TMEM266: variants seen among roughly 807,000 people sequenced by gnomAD.
The protein encoded by TMEM266 is transmembrane protein 266.
TMEM266 carries 33 observed loss-of-function variants against 50.5 expected under a neutral mutation model. The observed-to-expected ratio is 0.65, with a 90% CI of 0.50 to 0.87. The LOEUF (loss-of-function observed/expected upper bound fraction) is 0.87, where lower values mean the gene tolerates loss of function less well. TMEM266 is among the 40% of genes least tolerant of loss of function. The pLI, the probability that TMEM266 is intolerant of heterozygous loss-of-function variation, is 0.00. For missense variants in TMEM266, 655 were observed against 695.1 expected (o/e 0.94, Z 0.65); for synonymous variants, 310 against 292.3 (o/e 1.06, Z -0.62).
At chr15:76,067,211 A>C (rs1413641922) in intron 1 of TMEM266, among the ~76,000 whole-genome samples, 1 of 152,208 alleles carries the variant, frequency 6.6e-6, no homozygotes, top group Admixed American at 6.5e-5. Flanking sequence ...TACACAGACA[A>C]GGAAAATTTA....
At chr15:76,116,647 C>T (rs185285486) in intron 1 of TMEM266, among the ~76,000 whole-genome samples, 1 of 152,154 alleles carries the variant, frequency 6.6e-6, no homozygotes, top group Non-Finnish European at 1.5e-5. Context: ...TGAGCTCTTA[C>T]CACCTTTGTC....
intron 3 of TMEM266, among the ~76,000 whole-genome samples, chr15:76,141,358 C>T (rs2037674535): frequency 6.6e-6 from 1 of 151,832 alleles, no homozygotes. Context: ...ACTTCAGCCT[C>T]CCAAGTAACT....
At position 76,160,255 on chromosome 15, in the gene TMEM266, T is replaced by C; in HGVS notation, c.456+87T>C. 7.6e-7 allele frequency: 1 copy of C among 1,309,814 alleles called. No individual in the cohort carries two copies. The highest frequency in any genetic ancestry group is 1.1e-6 in the Non-Finnish European group (1 of 908,898). The allele number at this position is 1,309,814 out of a possible 1,614,324, so 81.1% of individuals were successfully genotyped here. A position where few individuals can be genotyped will look rare whatever the true frequency, so the allele number is the denominator to read the frequency against. ...AAGGTCTACTTCTCGAAATGGTTTC[T>C]AGCATCAGGTCCCCTGCTAGCCCTT... On this transcript the variant is annotated intron_variant, in intron 5 of 10. Coordinates refer to ENST00000388942, the MANE Select transcript of TMEM266 (RefSeq NM_152335.3). This position sits in a 1 kb window ranked among gnomAD's most constrained non-coding sequence, Gnocchi z 5.7.
At chr15:76,166,127 T>C (rs1256971202) in intron 5 of TMEM266, among the ~76,000 whole-genome samples, 1 of 151,714 alleles carries the variant, frequency 6.6e-6, no homozygotes, top group Admixed American at 6.6e-5. Flanking sequence ...TTTTCGGAGG[T>C]GTTAAGACTA....
chr15:76,077,223 C>T, intron 1 of TMEM266, among the ~76,000 whole-genome samples: 1 of 152,018 alleles, frequency 6.6e-6, no homozygotes, highest in East Asian at 1.9e-4. Flanking sequence ...ACCTTGGCCT[C>T]CCAAAGTTCG....
At position 76,111,512 on chromosome 15, in the gene TMEM266, C is replaced by T. The variant is rs141238324; in HGVS notation, c.-96-22656C>T. Among the ~76,000 whole-genome samples, 188 of 152,090 alleles carry T rather than the reference C, an allele frequency of 1.2e-3. 1 individual carries two copies. The highest frequency in any genetic ancestry group is 4.3e-3 in the African/African-American group (177 of 41,494). On this transcript the variant is annotated intron_variant, in intron 1 of 10. Coordinates refer to ENST00000388942, the MANE Select transcript of TMEM266 (RefSeq NM_152335.3). ...GTTCTTGCACAATAAAGCGATTCTC[C>T]TGCCTCAGCCTCAGCCTCCCAAGTA...
intron 1 of TMEM266, among the ~76,000 whole-genome samples, chr15:76,131,851 G>A (rs1386685323): frequency 6.6e-6 from 1 of 152,144 alleles, no homozygotes; most frequent in East Asian, 1.9e-4. Context: ...CTGCCCTTCT[G>A]CTTTTAGAGA....
chr15:76,115,416 A>C (rs2037231967), intron 1 of TMEM266, among the ~76,000 whole-genome samples: 1 of 152,102 alleles, frequency 6.6e-6, no homozygotes, highest in African/African-American at 2.4e-5. Flanking sequence ...CTAAATCAAA[A>C]CCTTGGTCTC....
chr15:76,203,756 A>G lies in TMEM266; in HGVS notation c.1037A>G (p.Glu346Gly). 10 of 1,613,228 alleles carry G rather than the reference A, an allele frequency of 6.2e-6. No individual in the cohort carries two copies. The highest frequency in any genetic ancestry group is 1.1e-5 in the South Asian group (1 of 91,056). ...TACCTTGCAGACAGCGGTGTCCCAG[A>G]GCCAGCTGTGTGTATGGTCACCACG... Residue 346 changes from glutamate to glycine, a missense_variant, in exon 11 of 11, where the codon GAG (glutamate) becomes GGG (glycine). Glu to Gly is a moderately conservative substitution (Grantham distance 98). Around this residue, in one of 3 missense-constraint regions of TMEM266, gnomAD observed 455 missense variants for 401.8 expected, o/e 1.13. Coordinates refer to ENST00000388942, the MANE Select transcript of TMEM266 (RefSeq NM_152335.3).
chr15:76,071,908 A>AT (rs545904070), intron 1 of TMEM266, among the ~76,000 whole-genome samples: 252 of 146,164 alleles, frequency 1.7e-3, no homozygotes, highest in African/African-American at 3.9e-3. Flanking sequence ...CAGATTCGGC[A>AT]TTTTTTTTTT....
intron 8 of TMEM266, among the ~76,000 whole-genome samples, chr15:76,182,098 T>A (rs1286825438): frequency 6.6e-6 from 1 of 152,104 alleles, no homozygotes; most frequent in Non-Finnish European, 1.5e-5. Flanking sequence ...CCTTAGGACA[T>A]CCTTAGACCT....
chr15:76,169,925 G>A, intron 6 of TMEM266, 53 bp downstream of exon 6: 2 of 1,557,614 alleles, frequency 1.3e-6, no homozygotes, highest in South Asian at 1.1e-5. Context: ...CTGGAAGCTG[G>A]AAAACGTCAT....
intron 9 of TMEM266, among the ~76,000 whole-genome samples, chr15:76,201,393 TCCTTATTATTTATTTGGAGAC>T: frequency 6.6e-6 from 1 of 152,008 alleles, no homozygotes; most frequent in Middle Eastern, 3.4e-3. Flanking sequence ...GAACCAAGAT[TCCTTATTATTTATTTGGAGAC>T]AGGGTCTCAC....
Position 76,138,822 on chromosome 15 carries a change from G to A in TMEM266, c.227+927G>A, listed in dbSNP as rs570437877. On this transcript the variant is annotated intron_variant, in intron 3 of 10. Coordinates refer to ENST00000388942, the MANE Select transcript of TMEM266 (RefSeq NM_152335.3). ...GTTTCCCAATTCACTTCTCATTAGC[G>A]TGGTCTGTCTTACAAACATACTTCC... 3.3e-5 allele frequency among the ~76,000 whole-genome samples: 5 copies of A among 152,276 alleles called. No individual in the cohort carries two copies. In the East Asian group the frequency reaches 5.8e-4, roughly 18 times the overall value.
intron 9 of TMEM266, among the ~76,000 whole-genome samples, chr15:76,197,654 G>A (rs1054358738): frequency 2.6e-5 from 4 of 152,236 alleles, no homozygotes; most frequent in Admixed American, 2.6e-4. Context: ...CCTTGGTGAG[G>A]GCTGCCAAGC....
intron 1 of TMEM266, among the ~76,000 whole-genome samples, chr15:76,090,581 G>C (rs551074727): frequency 6.3e-4 from 96 of 151,924 alleles, no homozygotes; most frequent in Admixed American, 7.9e-4. Flanking sequence ...AAAGGGCAAA[G>C]GATGCACAGT....
chr15:76,164,887 T>C (rs1467936350), intron 5 of TMEM266, among the ~76,000 whole-genome samples: 1 of 152,226 alleles, frequency 6.6e-6, no homozygotes, highest in Non-Finnish European at 1.5e-5. Context: ...CACAGGGGTG[T>C]CCAGCCCCCA....
intron 1 of TMEM266, among the ~76,000 whole-genome samples, 192 bp from the exon 2 acceptor site, chr15:76,133,976 G>T (rs1177167163): frequency 1.1e-4 from 16 of 152,022 alleles, no homozygotes; most frequent in Admixed American, 1.0e-3. Flanking sequence ...CTCTGGCCTT[G>T]TTTCCTCATC....
intron 1 of TMEM266, among the ~76,000 whole-genome samples, chr15:76,111,415 C>T (rs1157859074): frequency 6.6e-6 from 1 of 151,648 alleles, no homozygotes; most frequent in Non-Finnish European, 1.5e-5. Flanking sequence ...GTTAGCCAAC[C>T]TTTGGCTACC....
Sources: allele counts gnomAD v4.1 joint callset (sites outside exome capture counted in the v4.1 genomes callset), GRCh38; gene constraint gnomAD v4.1.1; regional missense constraint gnomAD v4.1.1; non-coding constraint Gnocchi (gnomAD v3.1); transcripts MANE v1.5; gene names NCBI Gene and HGNC (gene_info 2026-07-23, HGNC 2026-07-21).